EPB41L2: variants seen among roughly 807,000 people sequenced by gnomAD.
The protein encoded by EPB41L2 is erythrocyte membrane protein band 4.1 like 2.
In EPB41L2, 43 loss-of-function variants were observed where a neutral mutation model predicts 113.0. The ratio of observed to expected loss-of-function variants is 0.38; its 90% CI spans 0.30 to 0.49. The LOEUF (loss-of-function observed/expected upper bound fraction) is 0.49. Among genes scored for constraint, EPB41L2 ranks in the 20% least tolerant of loss-of-function variants. EPB41L2 has a pLI of 0.95. For synonymous variants in EPB41L2, 442 were observed against 436.7 expected (o/e 1.01, Z -0.15); for missense variants, 1,147 against 1,223.4 (o/e 0.94, Z 0.93).
intron 19 of EPB41L2, among the ~76,000 whole-genome samples, chr6:130,841,009 T>A (rs1775296187): frequency 6.6e-6 from 1 of 151,806 alleles, no homozygotes; most frequent in Non-Finnish European, 1.5e-5. Context: ...AAAAACACAA[T>A]GAGGAAAGAG....
In EPB41L2 at chr6:130,894,340, T is replaced by C. The variant is rs764424853; in HGVS notation, c.1487+4A>G. 1 of 1,613,132 alleles carries C rather than the reference T, an allele frequency of 6.2e-7. No individual in the cohort carries two copies. Among genetic ancestry groups the C allele is most frequent in the Non-Finnish European group, 8.5e-7 (1 of 1,179,264 alleles). On this transcript the variant is annotated splice_donor_region_variant and intron_variant, in intron 10 of 19. Transcript: ENST00000337057. ...CGGCTTCCGAGCTGTTTTCCTAAAATTACCTGTAGAAAGTATGATGCTCCA... is the reference window on the plus strand; with the variant it reads ...CGGCTTCCGAGCTGTTTTCCTAAAACTACCTGTAGAAAGTATGATGCTCCA...
intron 6 of EPB41L2, among the ~76,000 whole-genome samples, chr6:130,903,283 T>A (rs1796794962): frequency 6.6e-6 from 1 of 152,122 alleles, no homozygotes; most frequent in Non-Finnish European, 1.5e-5. Context: ...TCGGTCAGGT[T>A]TTATGCTCTA....
chr6:130,947,494 C>A (rs1477701952), intron 3 of EPB41L2, among the ~76,000 whole-genome samples: 1 of 152,148 alleles, frequency 6.6e-6, no homozygotes, highest in Non-Finnish European at 1.5e-5. Flanking sequence ...TTCTCTCAAA[C>A]CAAATACAAG....
Position 130,869,951 on chromosome 6 carries a change from T to TC in EPB41L2, c.2218dup (p.Glu740GlyfsTer8), listed in dbSNP as rs1477403117. On this transcript the variant is annotated frameshift_variant, in exon 15 of 20. Transcript: ENST00000337057. LOFTEE classifies it high-confidence loss of function. ...ACTCTCACTGCTGCTGCTGCTGCTC[T>TC]CAGAAGACAGGGAGGTGGAGTCTTT... 6.2e-7 allele frequency: 1 copy of TC among 1,613,412 alleles called. No homozygotes were observed. The highest frequency in any genetic ancestry group is 8.5e-7 in the Non-Finnish European group (1 of 1,180,028).
At chr6:130,938,480 C>CA (rs1441611705) in intron 3 of EPB41L2, among the ~76,000 whole-genome samples, 1 of 152,098 alleles carries the variant, frequency 6.6e-6, no homozygotes. Context: ...CACACATACA[C>CA]AAAAAATGCT....
At chr6:130,867,366 C>T in intron 16 of EPB41L2, 93 bp downstream of exon 16, 1 of 1,509,702 alleles carries the variant, frequency 6.6e-7, no homozygotes, top group South Asian at 1.3e-5. Flanking sequence ...ACATCAAAGC[C>T]AGAAACATGT....
At position 130,891,982 on chromosome 6, in the gene EPB41L2, T is replaced by C. The variant is rs566023623; in HGVS notation, c.1488-1516A>G. ...CCTTTGTGTTAGATATATTCTTTTA[T>C]ATAGCTTTGTAAGCAGCGTTATGCA... On this transcript the variant is annotated intron_variant, in intron 10 of 19. Transcript: ENST00000337057. Among the ~76,000 whole-genome samples the C allele has an allele frequency of 3.9e-5, 6 of 152,346 alleles. No individual in the cohort carries two copies. In the East Asian group the frequency reaches 1.2e-3, roughly 29 times the overall value.
intron 3 of EPB41L2, among the ~76,000 whole-genome samples, chr6:130,928,487 A>G (rs1231361659): frequency 6.6e-6 from 1 of 152,256 alleles, no homozygotes; most frequent in Non-Finnish European, 1.5e-5. Context: ...TAGGGTAAAA[A>G]GGATATTTAA....
chr6:130,882,489 C>T (rs916298298), intron 12 of EPB41L2: 1 of 152,644 alleles, frequency 6.6e-6, no homozygotes, highest in African/African-American at 2.4e-5. Flanking sequence ...TGTGTTGACT[C>T]CACAAACTGA....
At chr6:130,981,737 C>T (rs1471277310) in intron 1 of EPB41L2, among the ~76,000 whole-genome samples, 3 of 152,286 alleles carry the variant, frequency 2.0e-5, no homozygotes, top group Middle Eastern at 3.4e-3. Context: ...TTTAGTGGAA[C>T]TGTCTTCTAC....
intron 19 of EPB41L2, 89 bp downstream of exon 19, chr6:130,858,041 CT>C: frequency 1.0e-6 from 1 of 1,002,600 alleles, no homozygotes; most frequent in Non-Finnish European, 1.6e-6. Flanking sequence ...GAAGAAGACA[CT>C]GATATGAACT....
At chr6:130,853,629 G>C (rs1047835217) in intron 19 of EPB41L2, among the ~76,000 whole-genome samples, 1 of 152,158 alleles carries the variant, frequency 6.6e-6, no homozygotes, top group Non-Finnish European at 1.5e-5. Context: ...CATCCACTGA[G>C]AAAGGTGGAC....
intron 1 of EPB41L2, among the ~76,000 whole-genome samples, chr6:131,062,218 G>A (rs563977269): frequency 6.6e-5 from 10 of 151,312 alleles, no homozygotes; most frequent in Non-Finnish European, 1.5e-4. Context: ...AAAAAAACTT[G>A]ACCTCAGGGG....
chr6:130,848,176 CTCTCTG>C (rs140139084), intron 19 of EPB41L2, among the ~76,000 whole-genome samples: 7 of 99,618 alleles, frequency 7.0e-5, no homozygotes, highest in African/African-American at 2.1e-4. Context: ...GTCTCTGTCT[CTCTCTG>C]TCTCTCTCTC....
intron 1 of EPB41L2, among the ~76,000 whole-genome samples, chr6:130,981,873 T>C (rs1284460345): frequency 1.3e-5 from 2 of 152,106 alleles, no homozygotes; most frequent in South Asian, 2.1e-4. Context: ...AATCCCTAAC[T>C]GAACCAAAAT....
chr6:130,844,741 T>C (rs536444902), intron 19 of EPB41L2, among the ~76,000 whole-genome samples: 44 of 152,102 alleles, frequency 2.9e-4, no homozygotes, highest in Non-Finnish European at 4.4e-4. Context: ...AGAATTTCCA[T>C]TGTTTAAATT....
chr6:130,983,902 A>C (rs879896459), intron 1 of EPB41L2, among the ~76,000 whole-genome samples: 11 of 152,168 alleles, frequency 7.2e-5, no homozygotes, highest in Admixed American at 2.0e-4. Context: ...CAATGAATTA[A>C]CCTTAGCTGT....
At chr6:131,044,474 A>G (rs1795050459) in intron 1 of EPB41L2, among the ~76,000 whole-genome samples, 1 of 152,288 alleles carries the variant, frequency 6.6e-6, no homozygotes, top group Non-Finnish European at 1.5e-5. Flanking sequence ...ACAAAAAAGT[A>G]GAATCGTGGT....
At chr6:130,965,607 C>A (rs1774893519) in intron 1 of EPB41L2, among the ~76,000 whole-genome samples, 2 of 142,004 alleles carry the variant, frequency 1.4e-5, no homozygotes, top group Admixed American at 7.1e-5. Context: ...ATCATCGGTC[C>A]AATGGTGGGG....
Sources: allele counts gnomAD v4.1 joint callset (sites outside exome capture counted in the v4.1 genomes callset), GRCh38; gene constraint gnomAD v4.1.1; transcripts MANE v1.5; gene names NCBI Gene and HGNC (gene_info 2026-07-23, HGNC 2026-07-21).